The following CADPS variants were observed in gnomAD, a reference collection of about 807,000 sequenced individuals.
The protein encoded by CADPS is calcium dependent secretion activator.
In CADPS, 57 loss-of-function variants were observed where a neutral mutation model predicts 167.3. The observed-to-expected ratio is 0.34, with a 90% CI of 0.28 to 0.42. The LOEUF is 0.42. Ranked by LOEUF, CADPS falls within the 20% of genes least tolerant of loss-of-function variation. The pLI is 1.00. For synonymous variants in CADPS, 676 were observed against 635.3 expected (o/e 1.06, Z -0.96); for missense variants, 1,414 against 1,738.1 (o/e 0.81, Z 3.32).
At chr3:62,415,677 A>G (rs1437160416) in intron 28 of CADPS, among the ~76,000 whole-genome samples, 1 of 152,138 alleles carries the variant, frequency 6.6e-6, no homozygotes, top group Non-Finnish European at 1.5e-5. Context: ...CTTTGCTGGT[A>G]GTTTTTTTGT....
Position 62,602,211 on chromosome 3 carries a change from C to A in CADPS, c.1326-9463G>T, listed in dbSNP as rs1007757299. 7.4e-6 allele frequency among the ~76,000 whole-genome samples: 1 copy of A among 135,392 alleles called. No individual in the cohort carries two copies. Among genetic ancestry groups the A allele is most frequent in the Non-Finnish European group, 1.5e-5 (1 of 66,562 alleles). 88.8% of individuals were successfully genotyped at this position (135,392 alleles called of 152,430 possible). ...TGTGAGTAAGCCAAGAACACATCTA[C>A]GTTAGGCAAATAAGGACCCTTGGAG... On this transcript the variant is annotated intron_variant, in intron 6 of 29. Coordinates refer to ENST00000383710, the MANE Select transcript of CADPS (RefSeq NM_003716.4). The surrounding 1 kb of genome is among the most constrained non-coding windows in gnomAD (Gnocchi z 4.4).
intron 17 of CADPS, among the ~76,000 whole-genome samples, chr3:62,506,358 A>T (rs1347729314): frequency 6.6e-6 from 1 of 152,236 alleles, no homozygotes; most frequent in Non-Finnish European, 1.5e-5. Flanking sequence ...ACTGCACTCC[A>T]GCCTGGGTGA....
chr3:62,774,897 G>GT (rs1213306983), intron 1 of CADPS, among the ~76,000 whole-genome samples: 1 of 152,116 alleles, frequency 6.6e-6, no homozygotes, highest in Admixed American at 6.5e-5. Flanking sequence ...CCAAGTGGTG[G>GT]TATTTTCTTG....
intron 1 of CADPS, among the ~76,000 whole-genome samples, chr3:62,812,802 A>T (rs1398670858): frequency 6.6e-6 from 1 of 152,192 alleles, no homozygotes; most frequent in Non-Finnish European, 1.5e-5. Flanking sequence ...GACCAAGGGC[A>T]TGCCTCTCCA....
chr3:62,748,917 AC>A (rs745500404), intron 3 of CADPS, among the ~76,000 whole-genome samples: 5 of 151,564 alleles, frequency 3.3e-5, no homozygotes, highest in Non-Finnish European at 7.4e-5. Flanking sequence ...CTGGTCTAAA[AC>A]CCTTGGACTC....
chr3:62,683,122 G>A (rs772244357), intron 3 of CADPS, among the ~76,000 whole-genome samples: 23 of 152,044 alleles, frequency 1.5e-4, no homozygotes, highest in Non-Finnish European at 3.1e-4. Flanking sequence ...GCAGGGCCAA[G>A]TTGTGTGTGG....
At chr3:62,402,244 G>T (rs904970538) in intron 29 of CADPS, among the ~76,000 whole-genome samples, 9 of 136,164 alleles carry the variant, frequency 6.6e-5, no homozygotes, top group African/African-American at 2.4e-4. Context: ...GGGGGCGGGG[G>T]GGGGGGGTGC....
intron 3 of CADPS, among the ~76,000 whole-genome samples, chr3:62,724,752 C>A (rs2076429086): frequency 6.6e-6 from 1 of 152,250 alleles, no homozygotes; most frequent in Non-Finnish European, 1.5e-5. Flanking sequence ...ATTTCCCCAA[C>A]TCATATTTCT....
intron 20 of CADPS, among the ~76,000 whole-genome samples, 161 bp from the exon 21 acceptor site, chr3:62,491,641 A>G (rs933388023): frequency 3.3e-5 from 5 of 152,122 alleles, no homozygotes; most frequent in African/African-American, 1.2e-4. Flanking sequence ...CCAAAAAGAG[A>G]AGAGAAGGAA....
Position 62,536,607 on chromosome 3 carries a change from G to C in CADPS, c.1967-26C>G, listed in dbSNP as rs199787829. ...CTGTTCATTTATACATGTAGAGAGAGACACAATTTAGAGAAACACATCACA... is the reference window on the plus strand; with the variant it reads ...CTGTTCATTTATACATGTAGAGAGACACACAATTTAGAGAAACACATCACA... On this transcript the variant is annotated intron_variant, in intron 11 of 29. Coordinates refer to ENST00000383710, the MANE Select transcript of CADPS (RefSeq NM_003716.4). 136 of 1,606,188 alleles carry C rather than the reference G, an allele frequency of 8.5e-5. No homozygotes were observed. In the East Asian group the frequency reaches 1.6e-3, roughly 18 times the overall value.
At chr3:62,751,074 C>T (rs1164643343) in intron 3 of CADPS, among the ~76,000 whole-genome samples, 2 of 152,112 alleles carry the variant, frequency 1.3e-5, no homozygotes, top group African/African-American at 4.8e-5. Flanking sequence ...CTGCTGCAAA[C>T]TAACAGATTG....
chr3:62,615,300 T>C (rs1017764346), intron 6 of CADPS, among the ~76,000 whole-genome samples: 20 of 152,118 alleles, frequency 1.3e-4, no homozygotes, highest in African/African-American at 4.1e-4. Context: ...AATGGGCACA[T>C]TGGAACAGTG....
intron 26 of CADPS, among the ~76,000 whole-genome samples, chr3:62,448,765 C>G (rs967793221): frequency 2.0e-5 from 3 of 152,062 alleles, no homozygotes; most frequent in African/African-American, 7.2e-5. Flanking sequence ...AGGCACCCAC[C>G]ACCACACCCA....
At chr3:62,577,236 A>C (rs1039619257) in intron 8 of CADPS, among the ~76,000 whole-genome samples, 1 of 152,146 alleles carries the variant, frequency 6.6e-6, no homozygotes, top group Non-Finnish European at 1.5e-5. Flanking sequence ...CTTCTCTCAT[A>C]TGGTATTTGT....
intron 3 of CADPS, among the ~76,000 whole-genome samples, chr3:62,669,564 TG>T (rs1377926280): frequency 1.3e-5 from 2 of 152,178 alleles, no homozygotes; most frequent in Non-Finnish European, 2.9e-5. Flanking sequence ...CCACCTTAAA[TG>T]TAGAGCCTGT....
At chr3:62,685,434 A>G (rs1390345007) in intron 3 of CADPS, among the ~76,000 whole-genome samples, 1 of 151,978 alleles carries the variant, frequency 6.6e-6, no homozygotes, top group East Asian at 1.9e-4. Context: ...TGGTGATAAT[A>G]ATGTTAATGT....
chr3:62,772,819 G>A (rs1439232784), intron 1 of CADPS, among the ~76,000 whole-genome samples: 1 of 152,082 alleles, frequency 6.6e-6, no homozygotes, highest in South Asian at 2.1e-4. Flanking sequence ...GTAAAAGAAG[G>A]AACCTCAAAT....
Position 62,544,805 on chromosome 3 carries a change from A to G in CADPS, c.1966+5098T>C. ...GCACATTGCAGGTGTCAGATAATCT[A>G]ATCTGATTATCTGAGCTGTGCTAGC... On this transcript the variant is annotated intron_variant, in intron 11 of 29. Coordinates refer to ENST00000383710, the MANE Select transcript of CADPS (RefSeq NM_003716.4). This position sits in a 1 kb window ranked among gnomAD's most constrained non-coding sequence, Gnocchi z 4.4. 1 of 1,071,992 alleles carries G rather than the reference A, an allele frequency of 9.3e-7. No individual in the cohort carries two copies. The highest frequency in any genetic ancestry group is 1.2e-6 in the Non-Finnish European group (1 of 851,572). 66.4% of individuals were successfully genotyped at this position (1,071,992 alleles called of 1,614,324 possible).
intron 1 of CADPS, among the ~76,000 whole-genome samples, chr3:62,824,885 T>A (rs1163637860): frequency 6.6e-6 from 1 of 152,128 alleles, no homozygotes; most frequent in Non-Finnish European, 1.5e-5. Flanking sequence ...CACATACACA[T>A]GCTACAAAAC....
Sources: gnomAD v4.1 joint callset for allele counts (sites outside exome capture counted in the v4.1 genomes callset) on GRCh38, gnomAD v4.1.1 for gene constraint, Gnocchi (gnomAD v3.1) non-coding constraint, MANE v1.5 for transcripts, NCBI Gene and HGNC (gene_info 2026-07-23, HGNC 2026-07-21) for gene names.